FABP6: variants seen among roughly 807,000 people sequenced by gnomAD.
FABP6 encodes the protein fatty acid binding protein 6, also known as gastrotropin.
FABP6 carries 13 observed loss-of-function variants against 14.9 expected under a neutral mutation model. The ratio of observed to expected loss-of-function variants is 0.87; its 90% confidence interval spans 0.57 to 1.39. The LOEUF is 1.39. Ranked by LOEUF, FABP6 falls within the 40% of genes most tolerant of loss-of-function variation. FABP6 has a pLI of 0.00. For missense variants in FABP6, 161 were observed against 167.2 expected (o/e 0.96, Z 0.20); for synonymous variants, 75 against 63.6 (o/e 1.18, Z -0.85).
rs575329873 is a variant in FABP6, at chr5:160,230,668, A to G, written c.67+1044A>G. 1.2e-4 allele frequency among the ~76,000 whole-genome samples: 18 copies of G among 152,136 alleles called. No homozygotes were observed. The South Asian group carries it at 3.1e-3, about 26-fold the overall frequency. ...TGAGCCACCGAGCCCAGCCCATCAAACATTTATTGAACACCAGCTATATGC... is the reference window on the plus strand; with the variant it reads ...TGAGCCACCGAGCCCAGCCCATCAAGCATTTATTGAACACCAGCTATATGC... On this transcript the variant is annotated intron_variant, in intron 1 of 3. Coordinates refer to ENST00000402432, the MANE Select transcript of FABP6 (RefSeq NM_001445.3).
chr5:160,223,376 TCCCTCCCTCTC>T (rs1760172529), intron 3 of FABP6, among the ~76,000 whole-genome samples: 3 of 51,166 alleles, frequency 5.9e-5, no homozygotes, highest in East Asian at 7.7e-4. Flanking sequence ...CCTCCCTCCC[TCCCTCCCTCTC>T]TCCTTCCTTC....
chr5:160,213,844 AGGGT>A, intron 3 of FABP6: 20 of 1,591,670 alleles, frequency 1.3e-5, no homozygotes, highest in Non-Finnish European at 1.3e-5. Context: ...AAGGGAGGGA[AGGGT>A]TCCTGACGTT....
At position 160,203,925 on chromosome 5, in the gene FABP6, T is replaced by A. The variant is rs139673429; in HGVS notation, c.51+4768T>A. Among the ~76,000 whole-genome samples, 353 of 152,200 alleles carry A rather than the reference T, an allele frequency of 2.3e-3. 2 individuals are homozygous for A. The highest frequency in any genetic ancestry group is 7.8e-3 in the African/African-American group (325 of 41,544). On this transcript the variant is annotated intron_variant, in intron 2 of 6. Transcript: ENST00000393980. ...CATGTTGGTCAGGCTGATCTCGAAC[T>A]CCTGACCTCAGGTGATCTGCCCACC...
At chr5:160,218,524 G>A (rs1224187801) in intron 3 of FABP6, among the ~76,000 whole-genome samples, 1 of 147,814 alleles carries the variant, frequency 6.8e-6, no homozygotes, top group African/African-American at 2.5e-5. Flanking sequence ...GCAAAGGCGC[G>A]ATCTCAGCTC....
chr5:160,190,255 G>A (rs907364582), intron 1 of FABP6, among the ~76,000 whole-genome samples: 12 of 151,950 alleles, frequency 7.9e-5, no homozygotes, highest in African/African-American at 2.2e-4. Flanking sequence ...TTTTTGAGAC[G>A]GAGTTTTGCT....
rs1386371652 is a variant in FABP6, at chr5:160,232,254, T to C, written c.224T>C (p.Met75Thr). The C allele has an allele frequency of 1.3e-5, 21 of 1,609,826 alleles. No homozygotes were observed. Among genetic ancestry groups the C allele is most frequent in the Non-Finnish European group, 1.7e-5 (20 of 1,178,116 alleles). ...TVGKESNIQT[M>T]GGKTFKATVQ... ...GGCAAGGAAAGCAACATACAGACAA[T>C]GGGGGGCAAGACGTTCAAGGTGAGA... The change falls in exon 2 of 4, where the codon ATG becomes ACG. Residue 75 changes from methionine (M) to threonine (T), a missense_variant. Physicochemically the swap from Met to Thr is moderately conservative, Grantham distance 81 (BLOSUM62 -1). Coordinates refer to ENST00000402432, the MANE Select transcript of FABP6 (RefSeq NM_001445.3).
At chr5:160,207,970 C>T (rs56037531) in intron 2 of FABP6, among the ~76,000 whole-genome samples, 29,615 of 151,986 alleles carry the variant, frequency 0.19, 3,149 homozygotes, top group South Asian at 0.25. Context: ...GTGATCTGCC[C>T]GCCTTGGCCT....
chr5:160,224,114 T>C (rs1760193771), intron 3 of FABP6, among the ~76,000 whole-genome samples: 1 of 151,934 alleles, frequency 6.6e-6, no homozygotes, highest in Admixed American at 6.6e-5. Context: ...TGGGCGCCTG[T>C]AGTCCCAGCT....
intron 2 of FABP6, among the ~76,000 whole-genome samples, chr5:160,203,052 C>T (rs1759679729): frequency 6.6e-6 from 1 of 151,894 alleles, no homozygotes; most frequent in African/African-American, 2.4e-5. Context: ...TAGGCATGCA[C>T]CACCGTATCC....
At chr5:160,202,404 A>G (rs1759661233) in intron 2 of FABP6, among the ~76,000 whole-genome samples, 1 of 152,204 alleles carries the variant, frequency 6.6e-6, no homozygotes, top group South Asian at 2.1e-4. Context: ...GCCCAGCTCC[A>G]TACTGATCAA....
chr5:160,219,777 C>T (rs966472827), intron 3 of FABP6, among the ~76,000 whole-genome samples: 9 of 152,190 alleles, frequency 5.9e-5, no homozygotes, highest in Admixed American at 4.6e-4. Context: ...TTCTTGCCCA[C>T]ATCCCCTGGC....
chr5:160,216,488 G>A (rs1258440425), intron 3 of FABP6, among the ~76,000 whole-genome samples: 1 of 151,858 alleles, frequency 6.6e-6, no homozygotes, highest in African/African-American at 2.4e-5. Context: ...GGTTGGTCTC[G>A]AACTCCTGAC....
At chr5:160,197,680 AT>A (rs1486733721) in intron 1 of FABP6, 1 of 152,080 alleles carries the variant, frequency 6.6e-6, no homozygotes, top group Non-Finnish European at 1.5e-5. Flanking sequence ...CTCCTCAGTT[AT>A]GACAACCAAC....
intron 2 of FABP6, among the ~76,000 whole-genome samples, chr5:160,200,603 G>A (rs1055808565): frequency 5.9e-5 from 9 of 152,150 alleles, no homozygotes; most frequent in South Asian, 2.1e-4. Context: ...TAGTAGAGAC[G>A]GGGTTTCACC....
At chr5:160,229,866 ATTTTATTTTATTTTATTT>A (rs1234035051) in intron 1 of FABP6, among the ~76,000 whole-genome samples, 2 of 107,072 alleles carry the variant, frequency 1.9e-5, no homozygotes, top group Non-Finnish European at 4.0e-5. Context: ...ATTTTATTTT[ATTTTATTTTATTTTATTT>A]TATTTTTGAG....
intron 3 of FABP6, among the ~76,000 whole-genome samples, chr5:160,235,773 TTCTCTCTCTC>T (rs141776542): frequency 6.7e-6 from 1 of 150,234 alleles, no homozygotes; most frequent in African/African-American, 2.4e-5. Context: ...TCTTTGATCC[TTCTCTCTCTC>T]TCTCTCTCAT....
chr5:160,222,085 TTTTTC>T (rs1485796946), intron 3 of FABP6, among the ~76,000 whole-genome samples: 1 of 144,114 alleles, frequency 6.9e-6, no homozygotes, highest in Non-Finnish European at 1.5e-5. Context: ...CTTTCCAAAT[TTTTTC>T]TTTTCTTTTT....
rs1479250982 is a variant in FABP6 at position 160,229,547 on chromosome 5, C to G, written c.-11C>G. On this transcript the variant is annotated 5_prime_UTR_variant, in exon 1 of 4. Transcript: ENST00000402432. Reference sequence around the variant, plus strand: ...ATCCCTCTGCTCTCTGGCCTCCAGCCTCCCAGCAGCATGGCTTTCACCGGC... The same window carrying G: ...ATCCCTCTGCTCTCTGGCCTCCAGCGTCCCAGCAGCATGGCTTTCACCGGC... The G allele has an allele frequency of 1.2e-6, 2 of 1,613,886 alleles. No homozygotes were observed. Among genetic ancestry groups the G allele is most frequent in the Non-Finnish European group, 1.7e-6 (2 of 1,179,914 alleles).
At chr5:160,210,609 A>G (rs780759519) in intron 2 of FABP6, among the ~76,000 whole-genome samples, 5 of 152,214 alleles carry the variant, frequency 3.3e-5, no homozygotes, top group Non-Finnish European at 7.3e-5. Context: ...CCTCAGCTCG[A>G]AGACCTGCAC....
Sources: allele counts gnomAD v4.1 joint callset (sites outside exome capture counted in the v4.1 genomes callset), GRCh38; gene constraint gnomAD v4.1.1; transcripts MANE v1.5; gene names NCBI Gene and HGNC (gene_info 2026-07-23, HGNC 2026-07-21).